CYB5R4: variants seen among roughly 807,000 people sequenced by gnomAD.
The protein encoded by CYB5R4 is cytochrome b5 reductase 4, also known as N-terminal cytochrome b5 and cytochrome b5 oxidoreductase domain-containing protein.
A neutral mutation model predicts 70.2 loss-of-function variants in CYB5R4; 55 were observed. The observed-to-expected ratio is 0.78, with a 90% confidence interval of 0.63 to 0.98. The LOEUF (loss-of-function observed/expected upper bound fraction) is 0.98, where lower values mean the gene tolerates loss of function less well. Among genes scored for constraint, CYB5R4 ranks in the 50% least tolerant of loss-of-function variants. CYB5R4 has a pLI of 0.00. For missense variants in CYB5R4, 562 were observed against 612.6 expected (o/e 0.92, Z 0.87); for synonymous variants, 197 against 199.5 (o/e 0.99, Z 0.11).
chr6:83,912,868 C>T (rs1003141871), intron 4 of CYB5R4, among the ~76,000 whole-genome samples: 1 of 152,098 alleles, frequency 6.6e-6, no homozygotes, highest in East Asian at 1.9e-4. Context: ...ACTAGTACTT[C>T]TTGTATTTAA....
At chr6:83,910,177 G>A (rs2099464450) in intron 4 of CYB5R4, 1 of 1,562,480 alleles carries the variant, frequency 6.4e-7, no homozygotes, top group Non-Finnish European at 8.7e-7. Flanking sequence ...CTGTGAGCAA[G>A]GACAAGACAT....
At chr6:83,934,551 T>G in intron 10 of CYB5R4, 44 bp from the exon 11 acceptor site, 2 of 1,451,826 alleles carry the variant, frequency 1.4e-6, no homozygotes, top group South Asian at 1.2e-5. Flanking sequence ...GTATTACTTC[T>G]TATTACTTTA....
chr6:83,913,977 T>C (rs2099465089), intron 4 of CYB5R4, among the ~76,000 whole-genome samples: 1 of 152,176 alleles, frequency 6.6e-6, no homozygotes, highest in Non-Finnish European at 1.5e-5. Context: ...TTTTATGCAT[T>C]GAACTCAGTA....
At chr6:83,875,535 T>C (rs1186461829) in intron 2 of CYB5R4, among the ~76,000 whole-genome samples, 1 of 152,140 alleles carries the variant, frequency 6.6e-6, no homozygotes, top group Non-Finnish European at 1.5e-5. Context: ...CAAGAGAGGG[T>C]CCTTGGGTCT....
intron 2 of CYB5R4, among the ~76,000 whole-genome samples, chr6:83,873,844 G>A (rs1165122685): frequency 2.0e-5 from 3 of 152,042 alleles, no homozygotes; most frequent in African/African-American, 2.4e-5. Context: ...AGTGAAGATC[G>A]CAGAAGACTG....
At position 83,940,500 on chromosome 6, in the gene CYB5R4, T is replaced by C; in HGVS notation, c.1260-15T>C. The C allele has an allele frequency of 6.4e-7, 1 of 1,561,722 alleles. No individual in the cohort carries two copies. Among genetic ancestry groups the C allele is most frequent in the Middle Eastern group, 1.8e-4 (1 of 5,518 alleles). ...AATTAATTAGTTATTTCTGAGTTTT[T>C]TTTTTTCTCTTAAGGAAAGTGAAGC... On this transcript the variant is annotated splice_polypyrimidine_tract_variant and intron_variant, in intron 13 of 15. Coordinates refer to ENST00000369681, the MANE Select transcript of CYB5R4 (RefSeq NM_016230.4).
chr6:83,959,882 A>C lies in CYB5R4; in HGVS notation c.*4A>C. On this transcript the variant is annotated 3_prime_UTR_variant, in exon 16 of 16. Transcript: ENST00000369681. ...GATCCATAGTTTTACAGCATAATGA[A>C]GAGCTGTCATTGTCCTTTATTCAAC... 1 of 1,593,406 alleles carries C rather than the reference A, an allele frequency of 6.3e-7. No homozygotes were observed.
intron 3 of CYB5R4, among the ~76,000 whole-genome samples, chr6:83,904,316 T>A (rs2099463431): frequency 6.6e-6 from 1 of 152,332 alleles, no homozygotes; most frequent in African/African-American, 2.4e-5. Context: ...TTCAGGAGCA[T>A]GTTGTTTAAT....
chr6:83,914,821 C>T (rs2099465236), intron 5 of CYB5R4, among the ~76,000 whole-genome samples: 1 of 147,166 alleles, frequency 6.8e-6, no homozygotes, highest in Admixed American at 6.9e-5. Context: ...GGGCGTGAGC[C>T]ACTGTGCCCG....
At chr6:83,934,239 AT>A (rs1269057547) in intron 10 of CYB5R4, among the ~76,000 whole-genome samples, 4 of 151,530 alleles carry the variant, frequency 2.6e-5, no homozygotes, top group African/African-American at 9.7e-5. Context: ...TTAAAAAAAA[AT>A]TAAAAAAAAA....
chr6:83,903,853 T>C (rs1363891625), intron 3 of CYB5R4, among the ~76,000 whole-genome samples: 2 of 152,136 alleles, frequency 1.3e-5, no homozygotes, highest in Non-Finnish European at 2.9e-5. Flanking sequence ...TAACAGTCTC[T>C]GATGATCCTT....
intron 3 of CYB5R4, among the ~76,000 whole-genome samples, chr6:83,903,804 T>A (rs973094899): frequency 1.3e-4 from 20 of 152,122 alleles, no homozygotes; most frequent in Admixed American, 2.6e-4. Context: ...TTTATCCATT[T>A]TCTCTAGGTT....
intron 14 of CYB5R4, among the ~76,000 whole-genome samples, chr6:83,947,942 C>T (rs1453907488): frequency 6.6e-6 from 1 of 152,176 alleles, no homozygotes; most frequent in Non-Finnish European, 1.5e-5. Context: ...TTAGTTCAAC[C>T]CTTGTGGAAG....
chr6:83,860,321 A>G (rs758872991), intron 1 of CYB5R4, among the ~76,000 whole-genome samples: 1 of 152,026 alleles, frequency 6.6e-6, no homozygotes, highest in Non-Finnish European at 1.5e-5. Flanking sequence ...CCGTGCAAGG[A>G]TGGGGACTTC....
intron 9 of CYB5R4, 56 bp downstream of exon 9, chr6:83,922,526 G>A: frequency 8.2e-7 from 1 of 1,216,954 alleles, no homozygotes; most frequent in Non-Finnish European, 1.2e-6. Flanking sequence ...CATACCTACA[G>A]AGAGAGAGAT....
intron 7 of CYB5R4, among the ~76,000 whole-genome samples, 164 bp from the exon 8 acceptor site, chr6:83,920,918 A>G (rs2099466274): frequency 6.6e-6 from 1 of 152,120 alleles, no homozygotes. Flanking sequence ...ATTGAAGGAG[A>G]AGAACTGGGT....
At chr6:83,899,643 G>T (rs1013347726) in intron 3 of CYB5R4, among the ~76,000 whole-genome samples, 1 of 152,132 alleles carries the variant, frequency 6.6e-6, no homozygotes, top group Non-Finnish European at 1.5e-5. Context: ...CAATTTCAGA[G>T]CCTGTTATTG....
chr6:83,952,502 A>G (rs1295837361), intron 14 of CYB5R4, among the ~76,000 whole-genome samples: 3 of 152,144 alleles, frequency 2.0e-5, no homozygotes, highest in Admixed American at 2.0e-4. Flanking sequence ...GGGAAAATAA[A>G]TCTGGGTAGT....
At chr6:83,946,342 A>C (rs1387286787) in intron 14 of CYB5R4, among the ~76,000 whole-genome samples, 1 of 152,214 alleles carries the variant, frequency 6.6e-6, no homozygotes, top group African/African-American at 2.4e-5. Flanking sequence ...ATCTCAATAG[A>C]TGCAGAAAAG....
Sources: allele counts gnomAD v4.1 joint callset (sites outside exome capture counted in the v4.1 genomes callset), GRCh38; gene constraint gnomAD v4.1.1; transcripts MANE v1.5; gene names NCBI Gene and HGNC (gene_info 2026-07-23, HGNC 2026-07-21).